ACTR3C: variants seen among roughly 807,000 people sequenced by gnomAD.
The protein encoded by ACTR3C is actin-related protein 3C.
Under a neutral mutation model 26.3 loss-of-function variants are expected in ACTR3C, and 18 were observed. That is an observed-to-expected ratio of 0.68 (90% confidence interval 0.47 to 1.01). The LOEUF is 1.01. ACTR3C is among the 50% of genes least tolerant of loss of function. The pLI is 0.00. For missense variants in ACTR3C, 184 were observed against 250.7 expected (o/e 0.73, Z 1.80); for synonymous variants, 55 against 94.5 (o/e 0.58, Z 2.42).
intron 3 of ACTR3C, among the ~76,000 whole-genome samples, chr7:150,291,297 C>T (rs1000387691): frequency 3.9e-5 from 6 of 152,170 alleles, no homozygotes; most frequent in African/African-American, 1.2e-4. Flanking sequence ...GGCATGGTGG[C>T]GCATGCCTGT....
the ACTR3C span, among the ~76,000 whole-genome samples, chr7:150,122,823 G>A: frequency 5.9e-5 from 9 of 151,478 alleles, no homozygotes; most frequent in African/African-American, 1.9e-4. Context: ...CAATAGCAAA[G>A]ACTTGGAACC....
chr7:149,904,455 C>T, the ACTR3C span, among the ~76,000 whole-genome samples: 20 of 150,102 alleles, frequency 1.3e-4, no homozygotes, highest in Admixed American at 1.1e-3. Context: ...CGCTTGAACC[C>T]GGGAGGCAGA....
chr7:150,191,677 T>C, the ACTR3C span, among the ~76,000 whole-genome samples: 1 of 152,218 alleles, frequency 6.6e-6, no homozygotes, highest in Non-Finnish European at 1.5e-5. Flanking sequence ...TTATTTCTTA[T>C]GTTCAAATTT....
chr7:150,147,955 A>C, the ACTR3C span, among the ~76,000 whole-genome samples: 2 of 148,584 alleles, frequency 1.3e-5, no homozygotes, highest in South Asian at 4.4e-4. Context: ...ATGAGAACAC[A>C]GGACACATAG....
the ACTR3C span, among the ~76,000 whole-genome samples, chr7:150,020,890 G>A: frequency 1.1e-4 from 17 of 151,966 alleles, no homozygotes; most frequent in Admixed American, 7.2e-4. Flanking sequence ...CCACGATCTC[G>A]GCTCACTGCA....
chr7:150,158,084 T>C, the ACTR3C span, among the ~76,000 whole-genome samples: 4 of 152,146 alleles, frequency 2.6e-5, no homozygotes. Context: ...AACAGGTGTA[T>C]ATTAAGGTGC....
the ACTR3C span, among the ~76,000 whole-genome samples, chr7:150,015,180 C>T: frequency 6.6e-6 from 1 of 152,136 alleles, no homozygotes; most frequent in East Asian, 1.9e-4. Context: ...GGGGGACTGG[C>T]TCCAACCCTT....
At chr7:150,064,672 AC>A in the ACTR3C span, among the ~76,000 whole-genome samples, 1 of 151,824 alleles carries the variant, frequency 6.6e-6, no homozygotes, top group South Asian at 2.1e-4. Flanking sequence ...ACACACACAC[AC>A]ACACACACAC....
the ACTR3C span, among the ~76,000 whole-genome samples, chr7:150,051,409 A>C: frequency 1.3e-5 from 2 of 148,778 alleles, no homozygotes; most frequent in Admixed American, 1.4e-4. Flanking sequence ...CAAACAAGGA[A>C]AAAGATACCC....
the ACTR3C span, among the ~76,000 whole-genome samples, chr7:150,053,629 T>C: frequency 6.6e-6 from 1 of 152,242 alleles, no homozygotes; most frequent in East Asian, 1.9e-4. Flanking sequence ...AGGCTTTGAC[T>C]TCAAAGCAAC....
At chr7:150,127,928 C>T in the ACTR3C span, among the ~76,000 whole-genome samples, 197 of 151,640 alleles carry the variant, frequency 1.3e-3, no homozygotes, top group Non-Finnish European at 2.3e-3. Flanking sequence ...AATGTCTTCA[C>T]GTGGTCTATT....
chr7:149,905,766 C>A, the ACTR3C span, among the ~76,000 whole-genome samples: 100,958 of 151,698 alleles, frequency 0.67, 34,583 homozygotes, highest in East Asian at 0.91. Flanking sequence ...TTAGACTGAC[C>A]AAAATGTGAG....
At chr7:150,195,980 G>A in the ACTR3C span, among the ~76,000 whole-genome samples, 2 of 152,142 alleles carry the variant, frequency 1.3e-5, no homozygotes, top group African/African-American at 2.4e-5. Flanking sequence ...CTCCTCTTGT[G>A]TCTTTCTTTT....
At chr7:150,012,377 C>T in the ACTR3C span, among the ~76,000 whole-genome samples, 13 of 145,888 alleles carry the variant, frequency 8.9e-5, no homozygotes, top group East Asian at 6.3e-4. Flanking sequence ...TGCAGTGGTG[C>T]GATCTCAGCT....
chr7:150,029,496 G>A, the ACTR3C span, among the ~76,000 whole-genome samples: 2 of 151,700 alleles, frequency 1.3e-5, no homozygotes, highest in African/African-American at 4.9e-5. Flanking sequence ...GAGCCCAGGA[G>A]TTCGAGGTTG....
At chr7:149,938,015 C>A in the ACTR3C span, among the ~76,000 whole-genome samples, 12 of 152,190 alleles carry the variant, frequency 7.9e-5, no homozygotes, top group Non-Finnish European at 1.3e-4. Flanking sequence ...AGTGAGACAC[C>A]CTTCCCAGCC....
rs559795508 is a variant in ACTR3C, at chr7:150,286,261, G to C, written c.471+106C>G. The stretch of plus-strand genomic sequence containing the variant: ...GGGGGATGCAGAGAGACCGAATGAC[G>C]GCCACCCTGCTCACAGGCCCTTCGC... On this transcript the variant is annotated intron_variant, in intron 5 of 7. Coordinates refer to ENST00000683684, the MANE Select transcript of ACTR3C (RefSeq NM_001164458.2). The C allele has an allele frequency of 8.2e-5, 113 of 1,371,748 alleles. 1 individual carries two copies. In the South Asian group the frequency reaches 1.1e-3, roughly 14 times the overall value. The allele number at this position is 1,371,748 out of a possible 1,614,324, so 85.0% of individuals were successfully genotyped here. A position where few individuals can be genotyped will look rare whatever the true frequency, so the allele number is the denominator to read the frequency against.
the ACTR3C span, among the ~76,000 whole-genome samples, chr7:150,152,895 C>A: frequency 6.6e-6 from 1 of 152,118 alleles, no homozygotes; most frequent in South Asian, 2.1e-4. Flanking sequence ...GGAATTTATC[C>A]ATTTCTTCTA....
chr7:150,206,328 G>A, the ACTR3C span, among the ~76,000 whole-genome samples: 1 of 152,192 alleles, frequency 6.6e-6, no homozygotes, highest in Non-Finnish European at 1.5e-5. Flanking sequence ...GGGAGTGCTT[G>A]TTCAACCTTG....
Sources: gnomAD v4.1 joint callset for allele counts (sites outside exome capture counted in the v4.1 genomes callset) on GRCh38, gnomAD v4.1.1 for gene constraint, MANE v1.5 for transcripts, NCBI Gene and HGNC (gene_info 2026-07-23, HGNC 2026-07-21) for gene names.